Variants in KIRREL3 observed in about 807,000 individuals in gnomAD.
KIRREL3 encodes kin of IRRE-like protein 3.
Under a neutral mutation model 89.7 loss-of-function variants are expected in KIRREL3, and 36 were observed. That is an observed-to-expected ratio of 0.40 (90% CI 0.31 to 0.53). The LOEUF (loss-of-function observed/expected upper bound fraction) is 0.53, where lower values mean the gene tolerates loss of function less well. Among genes scored for constraint, KIRREL3 ranks in the 20% least tolerant of loss-of-function variants. The pLI, the probability that KIRREL3 is intolerant of heterozygous loss-of-function variation, is 0.49. For synonymous variants in KIRREL3, 445 were observed against 441.4 expected (o/e 1.01, Z -0.10); for missense variants, 864 against 1,056.6 (o/e 0.82, Z 2.53).
At chr11:126,503,786 C>A (rs1430397329) in intron 4 of KIRREL3, among the ~76,000 whole-genome samples, 1 of 150,874 alleles carries the variant, frequency 6.6e-6, no homozygotes, top group Non-Finnish European at 1.5e-5. Context: ...TCTTTCCCTC[C>A]CTCTCCTTCT....
chr11:126,451,704 G>A (rs1290443520), intron 7 of KIRREL3, among the ~76,000 whole-genome samples: 2 of 152,220 alleles, frequency 1.3e-5, no homozygotes, highest in Non-Finnish European at 2.9e-5. Flanking sequence ...GTGTGAGTGT[G>A]TGCATGTGTG....
chr11:126,959,269 CATCT>C (rs1182060914), intron 1 of KIRREL3, among the ~76,000 whole-genome samples: 2 of 151,840 alleles, frequency 1.3e-5, no homozygotes, highest in Non-Finnish European at 2.9e-5. Flanking sequence ...TTCTCTTTCT[CATCT>C]ATCTGTGTAT....
chr11:126,831,528 AACC>A (rs1943608131), intron 1 of KIRREL3, among the ~76,000 whole-genome samples: 2 of 151,818 alleles, frequency 1.3e-5, no homozygotes, highest in South Asian at 4.2e-4. Flanking sequence ...GCATTCTTTG[AACC>A]ACTTTCTTCA....
chr11:126,437,465 C>A (rs1226691703), intron 11 of KIRREL3, among the ~76,000 whole-genome samples: 6 of 152,094 alleles, frequency 3.9e-5, no homozygotes, highest in African/African-American at 1.4e-4. Flanking sequence ...ACACACCACA[C>A]TACAAACATG....
intron 1 of KIRREL3, among the ~76,000 whole-genome samples, chr11:126,654,791 A>AT (rs137929793): frequency 5.3e-5 from 8 of 151,824 alleles, no homozygotes; most frequent in East Asian, 1.9e-4. Flanking sequence ...TTCAACCATT[A>AT]TTTTTTTTTA....
chr11:126,593,819 G>A (rs1211783013), intron 1 of KIRREL3, among the ~76,000 whole-genome samples: 1 of 152,114 alleles, frequency 6.6e-6, no homozygotes. Context: ...TCTGAGTCAT[G>A]GTTCTCAGAT....
chr11:126,605,938 G>A lies in KIRREL3; in HGVS notation c.56-43026C>T, dbSNP rs747579723. On this transcript the variant is annotated intron_variant, in intron 1 of 16. Transcript: ENST00000525144. The surrounding 1 kb of genome is among the most constrained non-coding windows in gnomAD (Gnocchi z 5.7). Reference sequence around the variant, plus strand: ...CCTGTTCATTCTCTGCCTCAGGGAAGTGACACACAGAATGGCCCCTTTGGC... The same window carrying A: ...CCTGTTCATTCTCTGCCTCAGGGAAATGACACACAGAATGGCCCCTTTGGC... Among the ~76,000 whole-genome samples the A allele has an allele frequency of 2.6e-5, 4 of 152,216 alleles. No individual in the cohort carries two copies. The highest frequency in any genetic ancestry group is 5.9e-5 in the Non-Finnish European group (4 of 68,042).
chr11:126,599,779 C>CACTG (rs1942566228), intron 1 of KIRREL3, among the ~76,000 whole-genome samples: 1 of 152,200 alleles, frequency 6.6e-6, no homozygotes, highest in Non-Finnish European at 1.5e-5. Context: ...TTGAAGGGCC[C>CACTG]TGGAGAAAGA....
chr11:126,756,826 C>T (rs1946082), intron 1 of KIRREL3, among the ~76,000 whole-genome samples: 128,811 of 152,218 alleles, frequency 0.85, 54,647 homozygotes, highest in East Asian at 1. Flanking sequence ...TATATCCCTG[C>T]GTCCCTGCCA....
intron 1 of KIRREL3, among the ~76,000 whole-genome samples, chr11:126,878,792 C>T (rs938395479): frequency 2.0e-5 from 3 of 152,096 alleles, no homozygotes; most frequent in Non-Finnish European, 2.9e-5. Context: ...GATAGTTCAG[C>T]ATATATCCAT....
At chr11:126,835,627 T>G (rs1431922371) in intron 1 of KIRREL3, among the ~76,000 whole-genome samples, 1 of 152,194 alleles carries the variant, frequency 6.6e-6, no homozygotes, top group Non-Finnish European at 1.5e-5. Context: ...AACAGAGGCA[T>G]GGACAAAGTG....
chr11:126,716,012 C>T (rs1030555275), intron 1 of KIRREL3, among the ~76,000 whole-genome samples: 6 of 151,200 alleles, frequency 4.0e-5, no homozygotes, highest in East Asian at 1.9e-4. Context: ...AGGAGAAGGG[C>T]GGAGGAAGAG....
chr11:126,765,346 C>T (rs565240431), intron 1 of KIRREL3, among the ~76,000 whole-genome samples: 16 of 152,272 alleles, frequency 1.1e-4, no homozygotes, highest in Admixed American at 3.9e-4. Flanking sequence ...ACCCTCACCC[C>T]AACACCACAA....
At chr11:126,688,602 C>G (rs1045321697) in intron 1 of KIRREL3, among the ~76,000 whole-genome samples, 2 of 152,100 alleles carry the variant, frequency 1.3e-5, no homozygotes, top group Non-Finnish European at 2.9e-5. Flanking sequence ...CTTTTGAGCC[C>G]TGGATTGGTT....
Position 126,525,388 on chromosome 11 carries a change from C to T in KIRREL3, c.283+1150G>A, listed in dbSNP as rs1228008654. Among the ~76,000 whole-genome samples the T allele has an allele frequency of 1.3e-5, 2 of 152,208 alleles. No individual in the cohort carries two copies. Among genetic ancestry groups the T allele is most frequent in the Non-Finnish European group, 2.9e-5 (2 of 68,044 alleles). On this transcript the variant is annotated intron_variant, in intron 3 of 16. Transcript: ENST00000525144. This position sits in a 1 kb window ranked among gnomAD's most constrained non-coding sequence, Gnocchi z 5.4. ...TTGGCTGGTTCCCATAACAGTTAAA[C>T]TTTATGGCAGCACAGTATATTTTGG...
At chr11:126,787,090 A>AG (rs1950508981) in intron 1 of KIRREL3, among the ~76,000 whole-genome samples, 1 of 152,110 alleles carries the variant, frequency 6.6e-6, no homozygotes. Context: ...GGCCAGCACA[A>AG]GGGGCCAGTT....
In KIRREL3 at chr11:126,876,052, G is replaced by A. The variant is rs141704250; in HGVS notation, c.55+124403C>T. Reference sequence around the variant, plus strand: ...CTGCTTGGCTTTGGTGATGGGAGGGGCACAGGAGGGGTATTGGAGGTGACC... The same window carrying A: ...CTGCTTGGCTTTGGTGATGGGAGGGACACAGGAGGGGTATTGGAGGTGACC... On this transcript the variant is annotated intron_variant, in intron 1 of 16. Coordinates refer to ENST00000525144, the MANE Select transcript of KIRREL3 (RefSeq NM_032531.4). The surrounding 1 kb of genome is among the most constrained non-coding windows in gnomAD (Gnocchi z 4.1). Among the ~76,000 whole-genome samples, 268 of 152,260 alleles carry A rather than the reference G, an allele frequency of 1.8e-3. No homozygotes were observed. The highest frequency in any genetic ancestry group is 5.8e-3 in the African/African-American group (239 of 41,556).
Position 126,817,893 on chromosome 11 carries a change from A to G in KIRREL3, c.55+182562T>C, listed in dbSNP as rs888354064. ...ACAACCCACGGGTGGGAAGCTCTAG[A>G]TCTTGGCACCCCGTCCTCTTGGCTC... On this transcript the variant is annotated intron_variant, in intron 1 of 16. Coordinates refer to ENST00000525144, the MANE Select transcript of KIRREL3 (RefSeq NM_032531.4). The surrounding 1 kb of genome is among the most constrained non-coding windows in gnomAD (Gnocchi z 5.7). Among the ~76,000 whole-genome samples the G allele has an allele frequency of 6.6e-6, 1 of 152,116 alleles. No individual in the cohort carries two copies. The highest frequency in any genetic ancestry group is 6.5e-5 in the Admixed American group (1 of 15,268).
chr11:126,903,540 A>G lies in KIRREL3; in HGVS notation c.55+96915T>C, dbSNP rs1013383222. On this transcript the variant is annotated intron_variant, in intron 1 of 16. Transcript: ENST00000525144. This position sits in a 1 kb window ranked among gnomAD's most constrained non-coding sequence, Gnocchi z 4.5. Reference sequence around the variant, plus strand: ...TTCTCTAACCCTTTTCTCATTTCCTACTATTATCACATTTCTGGCCTTGAC... The same window carrying G: ...TTCTCTAACCCTTTTCTCATTTCCTGCTATTATCACATTTCTGGCCTTGAC... Among the ~76,000 whole-genome samples, 1 of 152,202 alleles carries G rather than the reference A, an allele frequency of 6.6e-6. No homozygotes were observed. The highest frequency in any genetic ancestry group is 2.4e-5 in the African/African-American group (1 of 41,448).
Sources: gnomAD v4.1 joint callset for allele counts (sites outside exome capture counted in the v4.1 genomes callset) on GRCh38, gnomAD v4.1.1 for gene constraint, Gnocchi (gnomAD v3.1) non-coding constraint, MANE v1.5 for transcripts, NCBI Gene and HGNC (gene_info 2026-07-23, HGNC 2026-07-21) for gene names.